SPINK6: variants seen among roughly 807,000 people sequenced by gnomAD.
SPINK6 encodes serine peptidase inhibitor Kazal type 6, also known as serine protease inhibitor Kazal-type 6.
Under a neutral mutation model 11.7 loss-of-function variants are expected in SPINK6, and 13 were observed. The observed-to-expected ratio is 1.11, with a 90% CI of 0.72 to 1.76. The LOEUF (loss-of-function observed/expected upper bound fraction) is 1.76, where lower values mean the gene tolerates loss of function less well. Ranked by LOEUF, SPINK6 falls within the 40% of genes most tolerant of loss-of-function variation. The pLI is 0.00. For synonymous variants in SPINK6, 21 were observed against 31.9 expected, an observed-to-expected ratio of 0.66 and a Z score of 1.15; for missense variants, 98 against 93.7, an observed-to-expected ratio of 1.05 and a Z score of -0.19.
At chr5:148,210,076 A>T (rs116296837) in intron 2 of SPINK6, among the ~76,000 whole-genome samples, 2 of 150,106 alleles carry the variant, frequency 1.3e-5, no homozygotes, top group Non-Finnish European at 3.0e-5. Context: ...ATGTATGCAT[A>T]TATGTATGCA....
intron 2 of SPINK6, among the ~76,000 whole-genome samples, chr5:148,208,524 A>C (rs1755529004): frequency 6.6e-6 from 1 of 152,204 alleles, no homozygotes; most frequent in East Asian, 1.9e-4. Context: ...ATGGGAAATT[A>C]TAGTTAGCAG....
At chr5:148,208,616 G>A (rs905935852) in intron 2 of SPINK6, among the ~76,000 whole-genome samples, 5 of 152,084 alleles carry the variant, frequency 3.3e-5, no homozygotes, top group African/African-American at 7.2e-5. Context: ...CCAGACTTTT[G>A]GAAATCATAT....
intron 3 of SPINK6, 94 bp downstream of exon 3, chr5:148,214,119 T>G: frequency 1.5e-6 from 1 of 669,046 alleles, no homozygotes; most frequent in Non-Finnish European, 2.5e-6. Flanking sequence ...AAAACACCCA[T>G]ACCTCCCCAT....
At chr5:148,210,525 G>T (rs539847521) in intron 2 of SPINK6, among the ~76,000 whole-genome samples, 19 of 151,248 alleles carry the variant, frequency 1.3e-4, no homozygotes, top group African/African-American at 4.1e-4. Flanking sequence ...GTTAGAGTTT[G>T]AGATATTTAT....
intron 2 of SPINK6, among the ~76,000 whole-genome samples, chr5:148,209,005 T>G (rs984312095): frequency 3.9e-5 from 6 of 152,230 alleles, no homozygotes; most frequent in African/African-American, 1.4e-4. Context: ...AACCATTTTC[T>G]GTTACAATAC....
At chr5:148,212,553 TA>T (rs1209786735) in intron 2 of SPINK6, among the ~76,000 whole-genome samples, 1 of 116,580 alleles carries the variant, frequency 8.6e-6, no homozygotes, top group African/African-American at 3.5e-5. Flanking sequence ...TATATTTATA[TA>T]TTTATATAAT....
chr5:148,214,103 T>C (rs1381226072), intron 3 of SPINK6, 78 bp downstream of exon 3: 1 of 887,604 alleles, frequency 1.1e-6, no homozygotes, highest in Non-Finnish European at 1.7e-6. Flanking sequence ...TTTCGAGGTA[T>C]TATAGAAAAC....
intron 1 of SPINK6, among the ~76,000 whole-genome samples, chr5:148,205,319 T>C (rs1755483546): frequency 6.6e-6 from 1 of 152,142 alleles, no homozygotes; most frequent in Non-Finnish European, 1.5e-5. Context: ...ATTCCAAGAC[T>C]GGATTGAGGG....
intron 2 of SPINK6, among the ~76,000 whole-genome samples, chr5:148,212,642 ATATAAATATATATATTTAT>A (rs1755623865): frequency 1.9e-5 from 2 of 106,170 alleles, no homozygotes; most frequent in Admixed American, 1.3e-4. Context: ...ATTATATATA[ATATAAATATATATATTTAT>A]ATATTTATAT....
At chr5:148,210,535 T>TA (rs929778457) in intron 2 of SPINK6, among the ~76,000 whole-genome samples, 9 of 151,538 alleles carry the variant, frequency 5.9e-5, no homozygotes, top group African/African-American at 1.7e-4. Flanking sequence ...GAGATATTTA[T>TA]AAAAAATCTA....
Position 148,215,037 on chromosome 5 carries a change from T to C in SPINK6, c.*87T>C, listed in dbSNP as rs550617551. Reference sequence around the variant, plus strand: ...TTATACTTTTGCTGGTGGATTCCTTTAATTCATAAAGACATACCTACTCTG... The same window carrying C: ...TTATACTTTTGCTGGTGGATTCCTTCAATTCATAAAGACATACCTACTCTG... On this transcript the variant is annotated 3_prime_UTR_variant, in exon 4 of 4. Coordinates refer to ENST00000325630, the MANE Select transcript of SPINK6 (RefSeq NM_205841.4). 20 of 1,335,866 alleles carry C rather than the reference T, an allele frequency of 1.5e-5. No individual in the cohort carries two copies. In the East Asian group the frequency reaches 4.6e-4, roughly 31 times the overall value. The allele number at this position is 1,335,866 out of a possible 1,614,324, so 82.8% of individuals were successfully genotyped here. A position where few individuals can be genotyped will look rare whatever the true frequency, so the allele number is the denominator to read the frequency against.
At position 148,214,937 on chromosome 5, in the gene SPINK6, C is replaced by A. The variant is rs762291568; in HGVS notation, c.230C>A (p.Pro77His). 1 of 1,613,652 alleles carries A rather than the reference C, an allele frequency of 6.2e-7. No homozygotes were observed. Among genetic ancestry groups the A allele is most frequent in the East Asian group, 2.2e-5 (1 of 44,844 alleles). Reference sequence around the variant, plus strand: ...GGTGGAAAGATTAGCCTAAAGCATCCTGGAAAATGCTGAGTTAAAGCCAAT... The same window carrying A: ...GGTGGAAAGATTAGCCTAAAGCATCATGGAAAATGCTGAGTTAAAGCCAAT... ...KSGGKISLKH[P>H]GKC The change falls in exon 4 of 4, where the codon CCT (proline) becomes CAT (histidine). Residue 77 changes from proline to histidine, a missense_variant. Coordinates refer to ENST00000325630, the MANE Select transcript of SPINK6 (RefSeq NM_205841.4).
intron 2 of SPINK6, 94 bp from the exon 3 acceptor site, chr5:148,213,816 T>C (rs1339773306): frequency 2.1e-5 from 14 of 665,992 alleles, no homozygotes; most frequent in Non-Finnish European, 3.6e-5. Flanking sequence ...ACTATTTATA[T>C]ATGGTTTTTA....
At chr5:148,209,901 C>T (rs114546842) in intron 2 of SPINK6, among the ~76,000 whole-genome samples, 1,573 of 57,114 alleles carry the variant, frequency 0.028, 42 homozygotes, top group African/African-American at 0.056. Flanking sequence ...AAGAGTTGTA[C>T]TTTGCACATA....
intron 2 of SPINK6, among the ~76,000 whole-genome samples, chr5:148,208,821 A>G (rs1261304170): frequency 6.6e-6 from 1 of 152,228 alleles, no homozygotes; most frequent in African/African-American, 2.4e-5. Context: ...CAGAATAAAG[A>G]TAGTCCTTTG....
chr5:148,203,155 G>T lies in SPINK6; in HGVS notation c.58+1G>T, dbSNP rs773364973. 2 of 1,608,336 alleles carry T rather than the reference G, an allele frequency of 1.2e-6. No homozygotes were observed. The highest frequency in any genetic ancestry group is 1.1e-5 in the South Asian group (1 of 90,076). ...CTGGCTCTTTTCTGCTTTTTAACAGGTAAGTTTTTTCTTAAAATTAAGATC... is the reference window on the plus strand; with the variant it reads ...CTGGCTCTTTTCTGCTTTTTAACAGTTAAGTTTTTTCTTAAAATTAAGATC... On this transcript the variant is annotated splice_donor_variant, in intron 1 of 3. Transcript: ENST00000325630. LOFTEE classifies it high-confidence loss of function.
At chr5:148,211,102 A>G (rs559469502) in intron 2 of SPINK6, among the ~76,000 whole-genome samples, 1 of 152,140 alleles carries the variant, frequency 6.6e-6, no homozygotes, top group South Asian at 2.1e-4. Flanking sequence ...TATAAGCTCA[A>G]ATTTCCAGAA....
chr5:148,211,941 A>G lies in SPINK6; in HGVS notation c.82-1969A>G, dbSNP rs371253076. ...GATAAACACAAGACAGTATCATTTT[A>G]GACAGAGAGAAAGCAAGTTTCCTCT... On this transcript the variant is annotated intron_variant, in intron 2 of 3. Transcript: ENST00000325630. Among the ~76,000 whole-genome samples, 4 of 152,190 alleles carry G rather than the reference A, an allele frequency of 2.6e-5. No individual in the cohort carries two copies. In the South Asian group the frequency reaches 8.3e-4, roughly 31 times the overall value.
At chr5:148,212,175 C>T (rs1012087316) in intron 2 of SPINK6, among the ~76,000 whole-genome samples, 6 of 151,986 alleles carry the variant, frequency 3.9e-5, no homozygotes, top group Non-Finnish European at 8.8e-5. Context: ...GGCAAAGGTG[C>T]TACCATTCCT....
Sources: allele counts gnomAD v4.1 joint callset (sites outside exome capture counted in the v4.1 genomes callset), GRCh38; gene constraint gnomAD v4.1.1; transcripts MANE v1.5; gene names NCBI Gene and HGNC (gene_info 2026-07-23, HGNC 2026-07-21).